Variants in EFCAB6 observed in about 807,000 individuals in gnomAD.
EFCAB6 encodes the protein EF-hand calcium binding domain 6.
In EFCAB6, 156 loss-of-function variants were observed where a neutral mutation model predicts 169.8. That is an observed-to-expected ratio of 0.92 (90% CI 0.81 to 1.05). The LOEUF is 1.05. EFCAB6 is among the 50% of genes least tolerant of loss of function. The pLI, the probability that EFCAB6 is intolerant of heterozygous loss-of-function variation, is 0.00. For missense variants in EFCAB6, 1,800 were observed against 1,829.1 expected (o/e 0.98, Z 0.29); for synonymous variants, 698 against 676.4 (o/e 1.03, Z -0.50).
chr22:43,612,793 C>G (rs1244447215), intron 21 of EFCAB6, among the ~76,000 whole-genome samples: 2 of 151,876 alleles, frequency 1.3e-5, no homozygotes, highest in African/African-American at 2.4e-5. Flanking sequence ...ACTCAGGAGG[C>G]TGAGGCATGA....
intron 17 of EFCAB6, 128 bp downstream of exon 17, chr22:43,666,976 T>A: frequency 8.3e-7 from 1 of 1,202,650 alleles, no homozygotes; most frequent in Non-Finnish European, 1.1e-6. Context: ...TCCTTTTAAA[T>A]TGTTGAAAGA....
At chr22:43,724,083 T>C (rs985277113) in intron 8 of EFCAB6, among the ~76,000 whole-genome samples, 5 of 152,218 alleles carry the variant, frequency 3.3e-5, no homozygotes, top group African/African-American at 1.2e-4. Flanking sequence ...GTAAGTTTTA[T>C]CTTTGTCATC....
In EFCAB6 at chr22:43,678,111, A is replaced by T. The variant is rs2057845225; in HGVS notation, c.1304T>A (p.Met435Lys). 6.2e-7 allele frequency: 1 copy of T among 1,613,568 alleles called. No homozygotes were observed. Among genetic ancestry groups the T allele is most frequent in the African/African-American group, 1.3e-5 (1 of 74,802 alleles). ...REEFRYILNC[M>K]AVKLSDSEFK... ...TTCTGAATCGCTTAGTTTTACAGCCATGCAATTTAGAATATATCGAAATTC... is the reference window on the plus strand; with the variant it reads ...TTCTGAATCGCTTAGTTTTACAGCCTTGCAATTTAGAATATATCGAAATTC... The change falls in exon 13 of 32, where the codon ATG becomes AAG. Residue 435 changes from methionine to lysine, a missense_variant. Coordinates refer to ENST00000262726, the MANE Select transcript of EFCAB6 (RefSeq NM_022785.4).
At chr22:43,621,783 A>G (rs2054132290) in intron 20 of EFCAB6, among the ~76,000 whole-genome samples, 1 of 152,182 alleles carries the variant, frequency 6.6e-6, no homozygotes. Context: ...GAAAGTGGGA[A>G]GCCTTAGCTG....
rs190886429 is a variant in EFCAB6, at chr22:43,555,264, C to A, written c.3421-168G>T. Among the ~76,000 whole-genome samples, 790 of 152,320 alleles carry A rather than the reference C, an allele frequency of 5.2e-3. 4 individuals carry two copies. Among genetic ancestry groups the A allele is most frequent in the Middle Eastern group, 0.041 (12 of 294 alleles). Reference sequence around the variant, plus strand: ...GTTCAGGCAGCCTCCAGCCCCAGGTCAGGCCCTGCTGAGCAGAAGCCTGGG... The same window carrying A: ...GTTCAGGCAGCCTCCAGCCCCAGGTAAGGCCCTGCTGAGCAGAAGCCTGGG... On this transcript the variant is annotated intron_variant, in intron 26 of 31. Transcript: ENST00000262726.
chr22:43,623,216 T>A (rs138894306), intron 20 of EFCAB6, among the ~76,000 whole-genome samples: 32 of 152,326 alleles, frequency 2.1e-4, no homozygotes, highest in Middle Eastern at 3.4e-3. Context: ...CATGCAGTAT[T>A]TGGTGATGGA....
intron 9 of EFCAB6, chr22:43,716,593 T>G: frequency 2.5e-6 from 1 of 397,970 alleles, no homozygotes; most frequent in Non-Finnish European, 4.4e-6. Context: ...GCATTATTTC[T>G]TTATATGTCT....
Position 43,691,044 on chromosome 22 carries a change from G to C in EFCAB6, c.1032-3463C>G, listed in dbSNP as rs573700634. Among the ~76,000 whole-genome samples, 4 of 152,048 alleles carry C rather than the reference G, an allele frequency of 2.6e-5. No homozygotes were observed. In the East Asian group the frequency reaches 7.8e-4, roughly 30 times the overall value. ...ATTATGATTATGGCAGCTAATACTT[G>C]ATAAATGCCTCTTTCTATTTCTGCT... On this transcript the variant is annotated intron_variant, in intron 10 of 31. Transcript: ENST00000262726.
chr22:43,689,234 G>T (rs2058313020), intron 10 of EFCAB6, among the ~76,000 whole-genome samples: 1 of 151,916 alleles, frequency 6.6e-6, no homozygotes, highest in Non-Finnish European at 1.5e-5. Context: ...GGAGGCAGGG[G>T]GTTGGTTGGA....
intron 10 of EFCAB6, among the ~76,000 whole-genome samples, chr22:43,710,635 GAGA>G (rs2059126392): frequency 6.6e-6 from 1 of 152,148 alleles, no homozygotes; most frequent in Non-Finnish European, 1.5e-5. Context: ...CAACCAGTAA[GAGA>G]AGAAGAAATG....
chr22:43,680,001 ATTTG>A (rs1159479292), intron 12 of EFCAB6, among the ~76,000 whole-genome samples: 1 of 152,156 alleles, frequency 6.6e-6, no homozygotes, highest in African/African-American at 2.4e-5. Context: ...CAATGTATCA[ATTTG>A]TTTCTTTTAT....
At chr22:43,552,531 G>T (rs1044728950) in intron 27 of EFCAB6, 2 of 152,114 alleles carry the variant, frequency 1.3e-5, no homozygotes, top group Non-Finnish European at 2.9e-5. Context: ...TCTCACTGTG[G>T]TTTTAATTTG....
chr22:43,779,214 T>A (rs560298303), intron 3 of EFCAB6, among the ~76,000 whole-genome samples: 1 of 152,190 alleles, frequency 6.6e-6, no homozygotes, highest in Non-Finnish European at 1.5e-5. Context: ...AAAGAACTCG[T>A]GACTATGAAC....
At chr22:43,679,359 C>G (rs1156968723) in intron 12 of EFCAB6, among the ~76,000 whole-genome samples, 1 of 152,122 alleles carries the variant, frequency 6.6e-6, no homozygotes, top group Non-Finnish European at 1.5e-5. Context: ...TCGGGCATTA[C>G]ATTGCCAGAT....
Position 43,795,814 on chromosome 22 carries a change from C to T in EFCAB6, c.-8+13181G>A, listed in dbSNP as rs1465181418. On this transcript the variant is annotated intron_variant, in intron 2 of 31. Transcript: ENST00000262726. The surrounding 1 kb of genome is among the most constrained non-coding windows in gnomAD (Gnocchi z 4.2). The stretch of plus-strand genomic sequence containing the variant: ...GCCCTGCCATTCAGACAGCACTCGC[C>T]TCCCAACACACACACACACACACAC... Among the ~76,000 whole-genome samples, 1 of 118,036 alleles carries T rather than the reference C, an allele frequency of 8.5e-6. No homozygotes were observed. The highest frequency in any genetic ancestry group is 3.1e-5 in the African/African-American group (1 of 32,304). 77.4% of individuals were successfully genotyped at this position (118,036 alleles called of 152,430 possible).
rs1439765812 is a variant in EFCAB6 at position 43,784,676 on chromosome 22, T to TATACAC, written c.-7-2352_-7-2351insGTGTAT. 4.6e-3 allele frequency among the ~76,000 whole-genome samples: 290 copies of TATACAC among 63,098 alleles called. 12 individuals are homozygous for TATACAC. The highest frequency in any genetic ancestry group is 0.014 in the African/African-American group (261 of 18,220). The allele number at this position is 63,098 out of a possible 152,430, so 41.4% of individuals were successfully genotyped here. A position where few individuals can be genotyped will look rare whatever the true frequency, so the allele number is the denominator to read the frequency against. On this transcript the variant is annotated intron_variant, in intron 2 of 31. Transcript: ENST00000262726. Reference sequence around the variant, plus strand: ...ATGTGTATATATACATATACATATATACACACACACACACACACACACACA... The same window carrying TATACAC: ...ATGTGTATATATACATATACATATATATACACACACACACACACACACACACACACA...
intron 20 of EFCAB6, among the ~76,000 whole-genome samples, chr22:43,624,053 C>T (rs2054317517): frequency 6.6e-6 from 1 of 152,166 alleles, no homozygotes; most frequent in Non-Finnish European, 1.5e-5. Context: ...AATCCCTGCC[C>T]CACTGCTCAT....
intron 4 of EFCAB6, among the ~76,000 whole-genome samples, chr22:43,766,096 C>T (rs12106641): frequency 0.12 from 17,908 of 152,166 alleles, 1,141 homozygotes; most frequent in Middle Eastern, 0.18. Flanking sequence ...AGGGCAGTCA[C>T]AGAATCTCGG....
rs1342759021 is a variant in EFCAB6, at chr22:43,544,066, T to C, written c.3649-3709A>G. ...AGCTTGGAACCCACACAACTACTTC[T>C]TCACTCCACTCCTCCCTCCCCAGCC... On this transcript the variant is annotated intron_variant, in intron 27 of 31. Transcript: ENST00000262726. 2.0e-5 allele frequency among the ~76,000 whole-genome samples: 3 copies of C among 152,008 alleles called. No homozygotes were observed. In the East Asian group the frequency reaches 5.8e-4, roughly 30 times the overall value.
Sources: allele counts gnomAD v4.1 joint callset (sites outside exome capture counted in the v4.1 genomes callset), GRCh38; gene constraint gnomAD v4.1.1; non-coding constraint Gnocchi (gnomAD v3.1); transcripts MANE v1.5; gene names NCBI Gene and HGNC (gene_info 2026-07-23, HGNC 2026-07-21).